The following KMT2B variants were observed in gnomAD, a reference collection of about 807,000 sequenced individuals.
KMT2B encodes lysine methyltransferase 2B.
Under a neutral mutation model 255.3 loss-of-function variants are expected in KMT2B, and 22 were observed. The ratio of observed to expected loss-of-function variants is 0.09; its 90% CI spans 0.06 to 0.12. KMT2B has a LOEUF of 0.12. Ranked by LOEUF, KMT2B falls within the 10% of genes least tolerant of loss-of-function variation. KMT2B has a pLI of 1.00. For synonymous variants in KMT2B, 1,730 were observed against 1,498.1 expected (o/e 1.15, Z -3.57); for missense variants, 3,149 against 3,737.0 (o/e 0.84, Z 4.10).
rs760774396 is a variant in KMT2B, at chr19:35,733,082, G to A, written c.6533G>A (p.Gly2178Asp). ...GAPGVRVLSLGPAPEPPKPAT... is the reference protein window; with the variant it reads ...GAPGVRVLSLDPAPEPPKPAT... ...CCAGGGGTCCGGGTGTTAAGCCTTG[G>A]CCCTGCCCCTGAGCCCCCCAAACCC... The change falls in exon 28 of 37, where the codon GGC becomes GAC. Residue 2178 changes from glycine to aspartate, a missense_variant. Gly to Asp is a moderately conservative substitution (Grantham distance 94, BLOSUM62 -1). Transcript: ENST00000420124. This position sits in a 1 kb window ranked among gnomAD's most constrained non-coding sequence, Gnocchi z 4.3. The A allele has an allele frequency of 6.4e-7, 1 of 1,567,660 alleles. No individual in the cohort carries two copies. The highest frequency in any genetic ancestry group is 2.4e-5 in the East Asian group (1 of 42,178).
chr19:35,738,215 A>G lies in KMT2B; in HGVS notation c.7872+24A>G, dbSNP rs973824761. ...AGGTGGGCTCCCAGTGGCTGTGGGA[A>G]GACAGTGGGTGAAGCGAGCCTGTCC... On this transcript the variant is annotated intron_variant, in intron 36 of 36. Coordinates refer to ENST00000420124, the MANE Select transcript of KMT2B (RefSeq NM_014727.3). The surrounding 1 kb of genome is among the most constrained non-coding windows in gnomAD (Gnocchi z 8.7). 3.7e-6 allele frequency: 6 copies of G among 1,613,616 alleles called. No homozygotes were observed. In the African/African-American group the frequency reaches 6.7e-5, roughly 18 times the overall value.
Position 35,720,167 on chromosome 19 carries a change from C to G in KMT2B, c.820C>G (p.Pro274Ala). The G allele has an allele frequency of 1.2e-6, 2 of 1,603,936 alleles. No individual in the cohort carries two copies. Among genetic ancestry groups the G allele is most frequent in the Non-Finnish European group, 1.7e-6 (2 of 1,175,642 alleles). The change falls in exon 3 of 37, where the codon CCA becomes GCA. Residue 274 changes from proline (P) to alanine (A), a missense_variant. Physicochemically the swap from Pro to Ala is conservative, Grantham distance 27. Coordinates refer to ENST00000420124, the MANE Select transcript of KMT2B (RefSeq NM_014727.3). ...CTGGAAATGCAAGGAGGGGCCCGGT[C>G]CAGGACCTGGGACCCCCAGGCGTGG... is the stretch of plus-strand genomic sequence containing the variant. ...GSWKCKEGPGPGPGTPRRGGQ... is the reference protein window; with the variant it reads ...GSWKCKEGPGAGPGTPRRGGQ...
rs1568373811 is a variant in KMT2B, at chr19:35,725,399, G to A, written c.3642+66G>A. 6.3e-7 allele frequency: 1 copy of A among 1,579,872 alleles called. No homozygotes were observed. Among genetic ancestry groups the A allele is most frequent in the Non-Finnish European group, 8.6e-7 (1 of 1,162,034 alleles). On this transcript the variant is annotated intron_variant, in intron 11 of 36. Coordinates refer to ENST00000420124, the MANE Select transcript of KMT2B (RefSeq NM_014727.3). This position sits in a 1 kb window ranked among gnomAD's most constrained non-coding sequence, Gnocchi z 4.1. ...TCGGTCCTCACGGCCTGATTCCTTG[G>A]GCCCTCTCAGCTGGGTCTCATCCCT...
intron 3 of KMT2B, 113 bp downstream of exon 3, chr19:35,721,917 G>A (rs1461821135): frequency 3.6e-6 from 5 of 1,381,180 alleles, no homozygotes; most frequent in Non-Finnish European, 3.8e-6. Context: ...GGAACCCTCA[G>A]AACCTGCCTT....
intron 2 of KMT2B, 101 bp downstream of exon 2, chr19:35,719,642 A>T (rs1969100932): frequency 1.3e-6 from 2 of 1,506,550 alleles, no homozygotes; most frequent in Admixed American, 3.6e-5. Context: ...CAGTTGCCGA[A>T]TGTGTTCTGT....
rs779867806 is a variant in KMT2B at position 35,728,775 on chromosome 19, G to A, written c.4573G>A (p.Gly1525Arg). 8.7e-6 allele frequency: 14 copies of A among 1,613,360 alleles called. No homozygotes were observed. Among genetic ancestry groups the A allele is most frequent in the African/African-American group, 1.3e-5 (1 of 75,004 alleles). ...GCTGCTAACCCTGCCTGTCCACAGC[G>A]GAGTCCTTCCCAATGCGGTGTTGCC... ...YWRRSTRLPN[G>R]VLPNAVLPPS... Residue 1525 changes from glycine to arginine, a missense_variant and splice_region_variant, in exon 20 of 37, where the codon GGA becomes AGA. Gly to Arg is a moderately radical substitution (Grantham distance 125). This residue lies in a region of KMT2B where 377 missense variants were observed against 471.0 expected (regional missense o/e 0.80). Coordinates refer to ENST00000420124, the MANE Select transcript of KMT2B (RefSeq NM_014727.3).
At position 35,727,878 on chromosome 19, in the gene KMT2B, C is replaced by CATGT; in HGVS notation, c.4393-2_4393-1insTGTA. On this transcript the variant is annotated splice_region_variant and splice_polypyrimidine_tract_variant and intron_variant, in intron 17 of 36. Transcript: ENST00000420124. This position sits in a 1 kb window ranked among gnomAD's most constrained non-coding sequence, Gnocchi z 4.2. ...ACTCAGTCTCTGACAAACCCCCTTA[C>CATGT]AGCACAGCTTCATGGAGGACATGGT... 6.2e-7 allele frequency: 1 copy of CATGT among 1,609,096 alleles called. No individual in the cohort carries two copies.
At position 35,729,042 on chromosome 19, in the gene KMT2B, C is replaced by T; in HGVS notation, c.4745C>T (p.Ala1582Val). ...CACCTGGAGGACCCCCGTCAGTGTG[C>T]ACTCTGCCTCAAATACGGGGATGCA... ...FSHLEDPRQCALCLKYGDADS... is the reference protein window; with the variant it reads ...FSHLEDPRQCVLCLKYGDADS... Residue 1582 changes from alanine (A) to valine (V), a missense_variant, in exon 21 of 37, where the codon GCA becomes GTA. This residue lies in a region of KMT2B where 377 missense variants were observed against 471.0 expected (regional missense o/e 0.80). Transcript: ENST00000420124. 1 of 1,614,026 alleles carries T rather than the reference C, an allele frequency of 6.2e-7. No individual in the cohort carries two copies. Among genetic ancestry groups the T allele is most frequent in the Non-Finnish European group, 8.5e-7 (1 of 1,179,898 alleles).
rs1969931640 is a variant in KMT2B, at chr19:35,736,752, A to G, written c.7222A>G (p.Lys2408Glu). The G allele has an allele frequency of 6.2e-7, 1 of 1,613,868 alleles. No homozygotes were observed. The highest frequency in any genetic ancestry group is 8.5e-7 in the Non-Finnish European group (1 of 1,179,886). ...SPDDKENQAPKRTGPHLRFEI... is the reference protein window; with the variant it reads ...SPDDKENQAPERTGPHLRFEI... ...AGATGATAAAGAGAACCAGGCCCCA[A>G]AACGGACTGGCCCACATCTGCGCTT... The change falls in exon 31 of 37, where the codon AAA becomes GAA. Residue 2408 changes from lysine (K) to glutamate (E), a missense_variant. By Grantham distance (56) the Lys-to-Glu change is moderately conservative. Transcript: ENST00000420124.
chr19:35,719,069 C>T (rs1969078057), intron 1 of KMT2B, among the ~76,000 whole-genome samples: 1 of 152,166 alleles, frequency 6.6e-6, no homozygotes, highest in African/African-American at 2.4e-5. Flanking sequence ...CACTTGCGGG[C>T]CCCTGTTCCC....
Position 35,728,756 on chromosome 19 carries a change from A to C in KMT2B, c.4572-18A>C. On this transcript the variant is annotated intron_variant, in intron 19 of 36. Transcript: ENST00000420124. The stretch of plus-strand genomic sequence containing the variant: ...GCCCTTGTTGGGCACATCAGCTGCT[A>C]ACCCTGCCTGTCCACAGCGGAGTCC... 1 of 1,606,146 alleles carries C rather than the reference A, an allele frequency of 6.2e-7. No individual in the cohort carries two copies.
Position 35,720,818 on chromosome 19 carries a change from G to A in KMT2B, c.1471G>A (p.Gly491Ser), listed in dbSNP as rs185072239. 1.0e-3 allele frequency: 1,557 copies of A among 1,531,818 alleles called. 15 individuals are homozygous for A. In the African/African-American group the frequency reaches 0.018, roughly 18 times the overall value. 94.9% of individuals were successfully genotyped at this position (1,531,818 alleles called of 1,614,324 possible). The change falls in exon 3 of 37, where the codon GGC becomes AGC. Residue 491 changes from glycine to serine, a missense_variant. Gly to Ser is a moderately conservative substitution (Grantham distance 56). Transcript: ENST00000420124. ...EREAARAGPE[G>S]TSPPTPTPST... ...GGAAGCTGCTCGGGCAGGGCCAGAG[G>A]GCACCTCTCCTCCCACTCCAACCCC...
In KMT2B at chr19:35,738,656, A is replaced by C. The variant is rs1599707570; in HGVS notation, c.*99A>C. 1 of 1,327,520 alleles carries C rather than the reference A, an allele frequency of 7.5e-7. No individual in the cohort carries two copies. Among genetic ancestry groups the C allele is most frequent in the Non-Finnish European group, 1.0e-6 (1 of 977,122 alleles). 82.2% of individuals were successfully genotyped at this position (1,327,520 alleles called of 1,614,324 possible). A position where few individuals can be genotyped will look rare whatever the true frequency, so the allele number is the denominator to read the frequency against. ...TCCCTAGCCCCTCCCAGAGCATCTCACCCCCACCCTCATGTTCAGGGTGGA... is the reference window on the plus strand; with the variant it reads ...TCCCTAGCCCCTCCCAGAGCATCTCCCCCCCACCCTCATGTTCAGGGTGGA... On this transcript the variant is annotated 3_prime_UTR_variant, in exon 37 of 37. Coordinates refer to ENST00000420124, the MANE Select transcript of KMT2B (RefSeq NM_014727.3). This position sits in a 1 kb window ranked among gnomAD's most constrained non-coding sequence, Gnocchi z 8.7.
At position 35,737,984 on chromosome 19, in the gene KMT2B, A is replaced by G. The variant is rs373164934; in HGVS notation, c.7742+42A>G. 3 of 1,609,348 alleles carry G rather than the reference A, an allele frequency of 1.9e-6. No homozygotes were observed. The highest frequency in any genetic ancestry group is 2.7e-5 in the African/African-American group (2 of 74,894). On this transcript the variant is annotated intron_variant, in intron 35 of 36. Coordinates refer to ENST00000420124, the MANE Select transcript of KMT2B (RefSeq NM_014727.3). This position sits in a 1 kb window ranked among gnomAD's most constrained non-coding sequence, Gnocchi z 5.3. ...GGGAGGATGCCCCTTGGGTGGACGG[A>G]CAGGTGCACTGGGTAGGGGGTACTG... is the stretch of plus-strand genomic sequence containing the variant.
chr19:35,726,018 T>C (rs192135174), intron 13 of KMT2B, among the ~76,000 whole-genome samples, 200 bp downstream of exon 13: 4 of 152,362 alleles, frequency 2.6e-5, no homozygotes, highest in Admixed American at 6.5e-5. Flanking sequence ...TAGGGGCTTA[T>C]GAATCTCACA....
At position 35,737,419 on chromosome 19, in the gene KMT2B, T is replaced by C. The variant is rs1208071422; in HGVS notation, c.7550+156T>C. The stretch of plus-strand genomic sequence containing the variant: ...AGAGTTAGCCAGGCTCCGTGGCTCA[T>C]GCCTGTAATCCCGCCACTTTGGGAG... On this transcript the variant is annotated intron_variant, in intron 33 of 36. Transcript: ENST00000420124. This position sits in a 1 kb window ranked among gnomAD's most constrained non-coding sequence, Gnocchi z 5.3. 2.1e-5 allele frequency: 20 copies of C among 934,592 alleles called. No homozygotes were observed. The highest frequency in any genetic ancestry group is 1.1e-4 in the East Asian group (4 of 37,338). 57.9% of individuals were successfully genotyped at this position (934,592 alleles called of 1,614,324 possible).
chr19:35,726,158 T>G (rs1198269888), intron 13 of KMT2B, 78 bp from the exon 14 acceptor site: 1 of 1,074,840 alleles, frequency 9.3e-7, no homozygotes, highest in African/African-American at 1.6e-5. Flanking sequence ...ATATCCCCAA[T>G]TCCTCCTCGC....
At chr19:35,719,688 A>G (rs1332636201) in intron 2 of KMT2B, 96 bp from the exon 3 acceptor site, 37 of 1,524,614 alleles carry the variant, frequency 2.4e-5, no homozygotes, top group Non-Finnish European at 3.1e-5. Context: ...AGCGGGGGAA[A>G]CACACAAGCA....
At position 35,727,513 on chromosome 19, in the gene KMT2B, A is replaced by G; in HGVS notation, c.4193A>G (p.Gln1398Arg). 1 of 1,610,922 alleles carries G rather than the reference A, an allele frequency of 6.2e-7. No individual in the cohort carries two copies. The stretch of plus-strand genomic sequence containing the variant: ...TGCGGACCGTGTGCTGGGGCAGCGC[A>G]GCCCCGCTGGCGAGAGGCCCTGAGC... ...YTCGPCAGAA[Q>R]PRWREALSGA... Residue 1398 changes from glutamine to arginine, a missense_variant, in exon 16 of 37, where the codon CAG becomes CGG. Coordinates refer to ENST00000420124, the MANE Select transcript of KMT2B (RefSeq NM_014727.3). The surrounding 1 kb of genome is among the most constrained non-coding windows in gnomAD (Gnocchi z 4.2).
Sources: gnomAD v4.1 joint callset for allele counts (sites outside exome capture counted in the v4.1 genomes callset) on GRCh38, gnomAD v4.1.1 for gene constraint, gnomAD v4.1.1 regional missense constraint, Gnocchi (gnomAD v3.1) non-coding constraint, MANE v1.5 for transcripts, NCBI Gene and HGNC (gene_info 2026-07-23, HGNC 2026-07-21) for gene names.